Variants in RPH3A observed in about 807,000 individuals in gnomAD.
RPH3A encodes rabphilin 3A, also known as rabphilin-3A.
Under a neutral mutation model 102.2 loss-of-function variants are expected in RPH3A, and 48 were observed. The ratio of observed to expected loss-of-function variants is 0.47; its 90% confidence interval spans 0.37 to 0.60. The LOEUF is 0.60. Among genes scored for constraint, RPH3A ranks in the 20% least tolerant of loss-of-function variants. RPH3A has a pLI of 0.00. For missense variants in RPH3A, 781 were observed against 910.1 expected (o/e 0.86, Z 1.83); for synonymous variants, 310 against 324.3 (o/e 0.96, Z 0.47).
intron 1 of RPH3A, among the ~76,000 whole-genome samples, chr12:112,685,249 T>C (rs1474675796): frequency 1.3e-5 from 2 of 152,212 alleles, no homozygotes; most frequent in Non-Finnish European, 2.9e-5. Context: ...AACAAACCTC[T>C]TTTATAAGGG....
intron 1 of RPH3A, among the ~76,000 whole-genome samples, chr12:112,681,154 C>A (rs1301561546): frequency 6.6e-6 from 1 of 152,156 alleles, no homozygotes; most frequent in Non-Finnish European, 1.5e-5. Flanking sequence ...GTAAACAACA[C>A]CTCCACCTCC....
intron 1 of RPH3A, among the ~76,000 whole-genome samples, chr12:112,622,188 A>G (rs926434315): frequency 9.4e-6 from 1 of 106,548 alleles, no homozygotes; most frequent in Non-Finnish European, 1.7e-5. Context: ...CTCACCAGCA[A>G]CGGAACAAAG....
At chr12:112,648,017 TA>T (rs1463186367) in intron 1 of RPH3A, among the ~76,000 whole-genome samples, 2 of 152,192 alleles carry the variant, frequency 1.3e-5, no homozygotes, top group Non-Finnish European at 2.9e-5. Flanking sequence ...TAAAATATAT[TA>T]AAAAATCAAT....
intron 17 of RPH3A, among the ~76,000 whole-genome samples, chr12:112,888,165 G>A (rs2043035786): frequency 6.6e-6 from 1 of 152,214 alleles, no homozygotes; most frequent in African/African-American, 2.4e-5. Flanking sequence ...AAACTGGATG[G>A]ACAGCATGGC....
intron 1 of RPH3A, among the ~76,000 whole-genome samples, chr12:112,727,873 T>C (rs772373589): frequency 4.6e-5 from 7 of 152,230 alleles, no homozygotes; most frequent in Non-Finnish European, 8.8e-5. Flanking sequence ...ATGTCTTCAC[T>C]GATTTAGAAA....
intron 19 of RPH3A, 138 bp from the exon 20 acceptor site, chr12:112,894,440 C>A (rs972519680): frequency 2.6e-6 from 2 of 755,878 alleles, no homozygotes; most frequent in South Asian, 1.6e-5. Flanking sequence ...TGCTCTAATG[C>A]ATATTGGTCA....
chr12:112,660,392 A>G (rs2040041250), intron 1 of RPH3A, among the ~76,000 whole-genome samples: 1 of 152,132 alleles, frequency 6.6e-6, no homozygotes, highest in African/African-American at 2.4e-5. Context: ...ATATGTGAAC[A>G]GTCTGCTTTC....
chr12:112,613,866 C>T (rs1235936360), intron 1 of RPH3A, among the ~76,000 whole-genome samples: 2 of 152,116 alleles, frequency 1.3e-5, no homozygotes, highest in Non-Finnish European at 1.5e-5. Context: ...ATTGCTTGAG[C>T]CCAGGAGGTG....
chr12:112,883,239 A>G, intron 15 of RPH3A, 54 bp from the exon 16 acceptor site: 1 of 1,435,966 alleles, frequency 7.0e-7, no homozygotes, highest in Non-Finnish European at 9.7e-7. Context: ...ATGGGGTTCC[A>G]GGACTGGCTC....
chr12:112,585,828 T>A, intron 1 of RPH3A, among the ~76,000 whole-genome samples: 1 of 152,210 alleles, frequency 6.6e-6, no homozygotes, highest in East Asian at 1.9e-4. Context: ...CTAATCCTGA[T>A]GTTGAGATTC....
At chr12:112,831,107 T>TTTG (rs1241098350) in intron 3 of RPH3A, among the ~76,000 whole-genome samples, 1 of 151,722 alleles carries the variant, frequency 6.6e-6, no homozygotes, top group Admixed American at 6.6e-5. Flanking sequence ...CATGGCATTT[T>TTTG]TTTTTTTTTT....
intron 1 of RPH3A, among the ~76,000 whole-genome samples, chr12:112,682,331 C>T (rs1210408376): frequency 2.7e-5 from 4 of 146,974 alleles, no homozygotes; most frequent in Non-Finnish European, 4.5e-5. Context: ...CAGAAGAGAG[C>T]GAATTTGTCT....
intron 2 of RPH3A, among the ~76,000 whole-genome samples, chr12:112,812,613 A>G (rs2041597714): frequency 6.6e-6 from 1 of 152,186 alleles, no homozygotes. Context: ...CATACATGGT[A>G]CATGGTTGGT....
intron 19 of RPH3A, chr12:112,892,786 T>C (rs115928920): frequency 2.8e-3 from 424 of 152,180 alleles, no homozygotes; most frequent in African/African-American, 9.8e-3. Context: ...TGGCAGAGAG[T>C]ATTTACTAAT....
chr12:112,649,742 C>G (rs1307200520), intron 1 of RPH3A, among the ~76,000 whole-genome samples: 1 of 152,176 alleles, frequency 6.6e-6, no homozygotes, highest in Non-Finnish European at 1.5e-5. Context: ...GTGGCTTAAA[C>G]AATGGCAATT....
chr12:112,866,883 T>C lies in RPH3A; in HGVS notation c.444+43T>C, dbSNP rs745962406. On this transcript the variant is annotated intron_variant, in intron 7 of 21. Transcript: ENST00000389385. ...ACCTGGTGCCTAGATCACCCTCCTTTCTTGGCCAGCTTAAGAGGTGCCTTA... is the reference window on the plus strand; with the variant it reads ...ACCTGGTGCCTAGATCACCCTCCTTCCTTGGCCAGCTTAAGAGGTGCCTTA... 42 of 1,514,456 alleles carry C rather than the reference T, an allele frequency of 2.8e-5. No individual in the cohort carries two copies. In the East Asian group the frequency reaches 8.8e-4, roughly 32 times the overall value. The allele number at this position is 1,514,456 out of a possible 1,614,324, so 93.8% of individuals were successfully genotyped here. A position where few individuals can be genotyped will look rare whatever the true frequency, so the allele number is the denominator to read the frequency against.
intron 2 of RPH3A, among the ~76,000 whole-genome samples, chr12:112,798,625 C>T (rs544160371): frequency 5.3e-5 from 8 of 152,186 alleles, no homozygotes; most frequent in Non-Finnish European, 8.8e-5. Flanking sequence ...CTGTGTGGTC[C>T]GCTCCATTGC....
chr12:112,672,549 G>A (rs1038284409), intron 1 of RPH3A, among the ~76,000 whole-genome samples: 1 of 152,194 alleles, frequency 6.6e-6, no homozygotes, highest in African/African-American at 2.4e-5. Flanking sequence ...ACTCAGCATA[G>A]CACTTGGCTC....
intron 1 of RPH3A, among the ~76,000 whole-genome samples, chr12:112,674,934 C>T (rs1044800817): frequency 6.6e-6 from 1 of 152,180 alleles, no homozygotes; most frequent in Non-Finnish European, 1.5e-5. Flanking sequence ...TCAGGACTGG[C>T]TTTTCAGTTT....
Sources: gnomAD v4.1 joint callset for allele counts (sites outside exome capture counted in the v4.1 genomes callset) on GRCh38, gnomAD v4.1.1 for gene constraint, MANE v1.5 for transcripts, NCBI Gene and HGNC (gene_info 2026-07-23, HGNC 2026-07-21) for gene names.